The following AKAP19 variants were observed in gnomAD, a reference collection of about 807,000 sequenced individuals.
AKAP19 encodes the protein A-kinase anchoring protein 19.
chr2:190,151,446 C>G, the AKAP19 span, among the ~76,000 whole-genome samples: 1 of 152,168 alleles, frequency 6.6e-6, no homozygotes, highest in African/African-American at 2.4e-5. Context: ...TATCTGTAAG[C>G]AAGAATAAGC....
At chr2:190,062,121 G>T in the AKAP19 span, 1 of 1,255,402 alleles carries the variant, frequency 8.0e-7, no homozygotes, top group Non-Finnish European at 1.1e-6. Flanking sequence ...CTTACATACA[G>T]GCCAACAGCT....
At chr2:190,162,381 T>C in the AKAP19 span, among the ~76,000 whole-genome samples, 6 of 152,110 alleles carry the variant, frequency 3.9e-5, no homozygotes, top group Admixed American at 2.6e-4. Flanking sequence ...TTAAAATCTT[T>C]TGAAGGAAAA....
the AKAP19 span, among the ~76,000 whole-genome samples, chr2:190,104,017 C>T: frequency 6.6e-6 from 1 of 152,026 alleles, no homozygotes; most frequent in Non-Finnish European, 1.5e-5. Context: ...GAATAGAGAC[C>T]CCAGAAATAA....
the AKAP19 span, among the ~76,000 whole-genome samples, chr2:189,976,209 C>T: frequency 6.6e-6 from 1 of 152,340 alleles, no homozygotes; most frequent in East Asian, 1.9e-4. Context: ...CAGGATCCTC[C>T]ACTGCAGGCC....
chr2:189,881,060 A>T, the AKAP19 span, among the ~76,000 whole-genome samples: 1 of 152,222 alleles, frequency 6.6e-6, no homozygotes, highest in Admixed American at 6.5e-5. Context: ...GTGCTCTACT[A>T]GTTCCACTTT....
the AKAP19 span, among the ~76,000 whole-genome samples, chr2:189,934,987 A>G: frequency 3.9e-5 from 6 of 152,172 alleles, no homozygotes; most frequent in South Asian, 6.2e-4. Context: ...TGCAAGCATA[A>G]TGCATGTAGC....
the AKAP19 span, among the ~76,000 whole-genome samples, chr2:190,059,403 C>A: frequency 6.6e-6 from 1 of 151,884 alleles, no homozygotes; most frequent in African/African-American, 2.4e-5. Context: ...GCTAAGGCAG[C>A]TCAGAAATAA....
chr2:190,166,381 A>G, the AKAP19 span, among the ~76,000 whole-genome samples: 1 of 103,512 alleles, frequency 9.7e-6, no homozygotes. Context: ...GATTGTTCCT[A>G]TCTTATATAA....
chr2:190,192,705 T>C, the AKAP19 span, among the ~76,000 whole-genome samples: 35 of 152,314 alleles, frequency 2.3e-4, no homozygotes, highest in Middle Eastern at 6.8e-3. Flanking sequence ...TTTGTATTTT[T>C]CACGTACAAC....
At chr2:189,928,173 G>GT in the AKAP19 span, among the ~76,000 whole-genome samples, 1 of 152,012 alleles carries the variant, frequency 6.6e-6, no homozygotes, top group South Asian at 2.1e-4. Flanking sequence ...GGAGTTTGGT[G>GT]TTTCCTTCAG....
the AKAP19 span, among the ~76,000 whole-genome samples, chr2:189,922,623 A>G: frequency 2.0e-5 from 3 of 152,252 alleles, no homozygotes; most frequent in Non-Finnish European, 4.4e-5. Flanking sequence ...TCCAATGCAC[A>G]TGTTCCCAGC....
At chr2:190,023,664 C>T in the AKAP19 span, among the ~76,000 whole-genome samples, 9 of 151,206 alleles carry the variant, frequency 6.0e-5, no homozygotes, top group South Asian at 1.0e-3. Flanking sequence ...TTCTTGTAAT[C>T]GAATAATCTC....
the AKAP19 span, among the ~76,000 whole-genome samples, chr2:189,926,991 C>T: frequency 6.6e-5 from 10 of 152,180 alleles, no homozygotes; most frequent in Admixed American, 4.6e-4. Context: ...TCAAGTGATC[C>T]TCCTACCTCA....
the AKAP19 span, among the ~76,000 whole-genome samples, chr2:190,038,929 T>TTCTTCTTCTTCTTCTTCTTCTTCC: frequency 1.4e-5 from 2 of 143,644 alleles, no homozygotes; most frequent in African/African-American, 5.4e-5. Context: ...CTTCTTCTTC[T>TTCTTCTTCTTCTTCTTCTTCTTCC]TCTTCTTCTT....
At chr2:190,201,927 C>G in the AKAP19 span, 1 of 166,962 alleles carries the variant, frequency 6.0e-6, no homozygotes, top group Non-Finnish European at 1.5e-5. Context: ...TTTTGCATCT[C>G]ACACCAAGAC....
the AKAP19 span, among the ~76,000 whole-genome samples, chr2:190,159,382 A>T: frequency 2.6e-5 from 4 of 152,308 alleles, no homozygotes; most frequent in African/African-American, 9.6e-5. Context: ...AATCACTTAC[A>T]ATGATTATTT....
chr2:190,173,668 C>T, the AKAP19 span, among the ~76,000 whole-genome samples: 31 of 152,302 alleles, frequency 2.0e-4, no homozygotes, highest in Middle Eastern at 3.4e-3. Flanking sequence ...ACCAGACCAT[C>T]GTCTTCTAAG....
chr2:189,931,427 T>A, the AKAP19 span, among the ~76,000 whole-genome samples: 1 of 152,140 alleles, frequency 6.6e-6, no homozygotes, highest in African/African-American at 2.4e-5. Flanking sequence ...AGTGGTGCGA[T>A]CATAGCTCAT....
the AKAP19 span, among the ~76,000 whole-genome samples, chr2:189,890,135 C>T: frequency 6.6e-6 from 1 of 152,118 alleles, no homozygotes; most frequent in Admixed American, 6.5e-5. Flanking sequence ...TCTTTGTTCT[C>T]ATTGTTCAAA....
Sources: allele counts gnomAD v4.1 joint callset (sites outside exome capture counted in the v4.1 genomes callset), GRCh38; gene constraint gnomAD v4.1.1; transcripts MANE v1.5; gene names NCBI Gene and HGNC (gene_info 2026-07-23, HGNC 2026-07-21).